The following MPDZ variants were observed in gnomAD, a reference collection of about 807,000 sequenced individuals.
MPDZ encodes the protein multiple PDZ domain protein.
Under a neutral mutation model 239.1 loss-of-function variants are expected in MPDZ, and 234 were observed. The ratio of observed to expected loss-of-function variants is 0.98; its 90% CI spans 0.88 to 1.09. MPDZ has a LOEUF of 1.09. Ranked by LOEUF, MPDZ falls within the 50% of genes least tolerant of loss-of-function variation. The probability of loss-of-function intolerance (pLI) is 0.00; values close to 1 mark genes in which losing one functional copy is unlikely to be tolerated. For missense variants in MPDZ, 3,175 were observed against 2,510.0 expected, an observed-to-expected ratio of 1.26 and a Z score of -5.66; for synonymous variants, 1,048 against 881.3, an observed-to-expected ratio of 1.19 and a Z score of -3.35.
At chr9:13,216,188 C>G (rs925334714) in intron 10 of MPDZ, among the ~76,000 whole-genome samples, 1 of 151,494 alleles carries the variant, frequency 6.6e-6, no homozygotes, top group African/African-American at 2.4e-5. Context: ...CAACTGAACA[C>G]TGAAATTAAA....
intron 22 of MPDZ, chr9:13,165,554 A>C: frequency 1.3e-6 from 1 of 752,184 alleles, no homozygotes; most frequent in Non-Finnish European, 2.1e-6. Flanking sequence ...CCTCCCTCCC[A>C]TCTACACCTC....
chr9:13,173,836 A>G (rs1952110510), intron 21 of MPDZ, among the ~76,000 whole-genome samples: 1 of 152,082 alleles, frequency 6.6e-6, no homozygotes, highest in Non-Finnish European at 1.5e-5. Flanking sequence ...TTAAAACACA[A>G]ATCTGCTCAT....
chr9:13,273,589 A>G (rs1238845283), intron 1 of MPDZ, among the ~76,000 whole-genome samples: 3 of 152,176 alleles, frequency 2.0e-5, no homozygotes, highest in Non-Finnish European at 4.4e-5. Flanking sequence ...CAAGAGTTGG[A>G]GAGGGGATGA....
intron 22 of MPDZ, among the ~76,000 whole-genome samples, chr9:13,166,659 T>G (rs1415789121): frequency 6.6e-6 from 1 of 152,062 alleles, no homozygotes; most frequent in African/African-American, 2.4e-5. Flanking sequence ...ATAGTACATT[T>G]TGCCTCCTGA....
Position 13,147,570 on chromosome 9 carries a change from T to C in MPDZ, c.3719A>G (p.Gln1240Arg), listed in dbSNP as rs1376110903. ...TACCCTTGGTCTGTTTATAATGCTC[T>C]GTACCATAAAGACTACAGGGTTGCC... ...KAGNPVVFMV[Q>R]SIINRPRKSP... The change falls in exon 26 of 47, where the codon CAG becomes CGG. Residue 1240 changes from glutamine (Q) to arginine (R), a missense_variant. Coordinates refer to ENST00000319217, the MANE Select transcript of MPDZ (RefSeq NM_001378778.1). The C allele has an allele frequency of 4.3e-6, 7 of 1,612,150 alleles. No individual in the cohort carries two copies. The highest frequency in any genetic ancestry group is 5.1e-6 in the Non-Finnish European group (6 of 1,178,692).
At chr9:13,115,206 C>T in intron 40 of MPDZ, 42 bp downstream of exon 40, 1 of 1,548,008 alleles carries the variant, frequency 6.5e-7, no homozygotes, top group Non-Finnish European at 8.9e-7. Context: ...GTCCTCTTGG[C>T]ATGCCGATTG....
intron 15 of MPDZ, among the ~76,000 whole-genome samples, chr9:13,191,598 T>C (rs1480133182): frequency 1.3e-5 from 2 of 152,152 alleles, no homozygotes; most frequent in African/African-American, 4.8e-5. Flanking sequence ...TGTAAACAAG[T>C]AAGACCTATC....
intron 10 of MPDZ, among the ~76,000 whole-genome samples, chr9:13,206,531 T>TGCACACACCACCACAC (rs1957014187): frequency 1.3e-5 from 2 of 151,672 alleles, no homozygotes; most frequent in Admixed American, 6.6e-5. Flanking sequence ...TGGGACCACA[T>TGCACACACCACCACAC]GCACACACCA....
intron 27 of MPDZ, among the ~76,000 whole-genome samples, 197 bp from the exon 28 acceptor site, chr9:13,140,346 C>G (rs1403116887): frequency 7.0e-6 from 1 of 143,552 alleles, no homozygotes; most frequent in South Asian, 2.2e-4. Context: ...TATATAATAC[C>G]TAACAAATAA....
intron 1 of MPDZ, among the ~76,000 whole-genome samples, chr9:13,266,458 T>C (rs1221049560): frequency 6.6e-6 from 1 of 152,240 alleles, no homozygotes; most frequent in African/African-American, 2.4e-5. Flanking sequence ...TCTCCTTCTC[T>C]TGGCCCATTC....
At chr9:13,119,357 T>C in intron 39 of MPDZ, 145 bp downstream of exon 39, 1 of 968,764 alleles carries the variant, frequency 1.0e-6, no homozygotes, top group Non-Finnish European at 1.5e-6. Flanking sequence ...AATGCTGGGA[T>C]TATAGGCGTG....
intron 32 of MPDZ, among the ~76,000 whole-genome samples, chr9:13,130,926 G>T (rs1279042535): frequency 2.0e-5 from 3 of 152,158 alleles, no homozygotes. Flanking sequence ...ATGGGACTTG[G>T]AGGCAGAAGA....
At chr9:13,165,511 G>A (rs1950969158) in intron 22 of MPDZ, 4 of 1,397,654 alleles carry the variant, frequency 2.9e-6, no homozygotes, top group East Asian at 2.5e-5. Flanking sequence ...GTTAAAAGTG[G>A]GTGCTCCTGG....
chr9:13,235,861 GA>G (rs1963804896), intron 3 of MPDZ, among the ~76,000 whole-genome samples: 1 of 151,910 alleles, frequency 6.6e-6, no homozygotes, highest in Admixed American at 6.6e-5. Flanking sequence ...ACTAAACAAG[GA>G]AATAAAGAGT....
intron 39 of MPDZ, among the ~76,000 whole-genome samples, chr9:13,117,468 TTG>T (rs1943646890): frequency 6.7e-6 from 1 of 150,144 alleles, no homozygotes; most frequent in African/African-American, 2.5e-5. Flanking sequence ...GAGGCGGAGC[TTG>T]CAGTGAGCCG....
At chr9:13,198,737 CTGTGTGTGTG>C (rs1554691393) in intron 12 of MPDZ, among the ~76,000 whole-genome samples, 15 of 69,752 alleles carry the variant, frequency 2.2e-4, no homozygotes, top group East Asian at 9.0e-4. Context: ...ATCTCTCTCT[CTGTGTGTGTG>C]TGTGTGTGTG....
At chr9:13,109,671 T>C (rs1427958695) in intron 45 of MPDZ, among the ~76,000 whole-genome samples, 3 of 152,142 alleles carry the variant, frequency 2.0e-5, no homozygotes, top group Non-Finnish European at 4.4e-5. Flanking sequence ...ACATCAAGAC[T>C]AAAATGTCCT....
At chr9:13,156,956 T>C (rs962101316) in intron 24 of MPDZ, among the ~76,000 whole-genome samples, 1 of 152,170 alleles carries the variant, frequency 6.6e-6, no homozygotes, top group East Asian at 1.9e-4. Flanking sequence ...GTGAGTTAAG[T>C]GACTTTTGAT....
At chr9:13,163,922 G>A (rs540204958) in intron 22 of MPDZ, among the ~76,000 whole-genome samples, 21 of 152,210 alleles carry the variant, frequency 1.4e-4, no homozygotes, top group African/African-American at 4.3e-4. Flanking sequence ...TTCAAAGTGC[G>A]AGGTCACTTG....
Sources: allele counts gnomAD v4.1 joint callset (sites outside exome capture counted in the v4.1 genomes callset), GRCh38; gene constraint gnomAD v4.1.1; transcripts MANE v1.5; gene names NCBI Gene and HGNC (gene_info 2026-07-23, HGNC 2026-07-21).